Variants in EPHA10 observed in about 807,000 individuals in gnomAD.
EPHA10 encodes EPH receptor A10.
EPHA10 carries 120 observed loss-of-function variants against 109.7 expected under a neutral mutation model. That is an observed-to-expected ratio of 1.09 (90% CI 0.94 to 1.27). The LOEUF is 1.27. Among genes scored for constraint, EPHA10 ranks in the 50% most tolerant of loss-of-function variants. The probability of loss-of-function intolerance (pLI) is 0.00; values close to 1 mark genes in which losing one functional copy is unlikely to be tolerated. For missense variants in EPHA10, 1,396 were observed against 1,411.1 expected (o/e 0.99, Z 0.17); for synonymous variants, 640 against 618.9 (o/e 1.03, Z -0.51).
At chr1:37,748,362 TAAATAAAC>T (rs1210692278) in intron 5 of EPHA10, among the ~76,000 whole-genome samples, 3 of 152,066 alleles carry the variant, frequency 2.0e-5, no homozygotes, top group Admixed American at 1.3e-4. Context: ...CTCAAATAAA[TAAATAAAC>T]AAATAAATAA....
At chr1:37,759,042 C>G (rs1335508350) in intron 3 of EPHA10, among the ~76,000 whole-genome samples, 1 of 152,198 alleles carries the variant, frequency 6.6e-6, no homozygotes, top group Non-Finnish European at 1.5e-5. Context: ...CTTAGTTCAG[C>G]CCTTGTGCTC....
Position 37,721,842 on chromosome 1 carries a change from C to T in EPHA10, c.1964G>A (p.Arg655Gln), listed in dbSNP as rs377504714. Residue 655 changes from arginine (R) to glutamine (Q), a missense_variant, in exon 11 of 17, where the codon CGG becomes CAG. Coordinates refer to ENST00000373048, the MANE Select transcript of EPHA10 (RefSeq NM_001099439.2). Reference sequence around the variant, plus strand: ...GCAGCCACAGCACAGCTCCCCAAACCGCCCTGTGGGGAAACAGCACCTCAG... The same window carrying T: ...GCAGCCACAGCACAGCTCCCCAAACTGCCCTGTGGGGAAACAGCACCTCAG... ...VTLERSLGGG[R>Q]FGELCCGCLQ... 1.8e-5 allele frequency: 28 copies of T among 1,583,666 alleles called. No individual in the cohort carries two copies. The highest frequency in any genetic ancestry group is 1.6e-4 in the African/African-American group (12 of 73,610).
At position 37,723,152 on chromosome 1, in the gene EPHA10, G is replaced by T. The variant is rs564699683; in HGVS notation, c.1849C>A (p.Arg617Ser). Residue 617 changes from arginine (R) to serine (S), a missense_variant, in exon 10 of 17, where the codon CGT (arginine) becomes AGT (serine). Physicochemically the swap from Arg to Ser is moderately radical, Grantham distance 110. Transcript: ENST00000373048. Reference protein sequence around the residue: ...ELYFHFKVPTRRTFLDPQSCG... With the variant: ...ELYFHFKVPTSRTFLDPQSCG... ...CTCTGGGGGTCCAGGAATGTGCGAC[G>T]TGTTGGGACTTTGACTGGGAGAGAA... 2 of 1,613,708 alleles carry T rather than the reference G, an allele frequency of 1.2e-6. No individual in the cohort carries two copies. Among genetic ancestry groups the T allele is most frequent in the East Asian group, 2.2e-5 (1 of 44,884 alleles).
chr1:37,724,743 G>T (rs1645858993), intron 8 of EPHA10, among the ~76,000 whole-genome samples: 2 of 152,158 alleles, frequency 1.3e-5, no homozygotes, highest in Non-Finnish European at 1.5e-5. Context: ...TCACACAGGG[G>T]GAAGCGGCCA....
At chr1:37,760,496 G>A in intron 3 of EPHA10, 1 of 1,027,760 alleles carries the variant, frequency 9.7e-7, no homozygotes, top group Non-Finnish European at 1.2e-6. Context: ...TAATCATCTA[G>A]TGCAACTTCC....
At chr1:37,753,568 G>A (rs1420671107) in intron 4 of EPHA10, among the ~76,000 whole-genome samples, 1 of 151,638 alleles carries the variant, frequency 6.6e-6, no homozygotes, top group Non-Finnish European at 1.5e-5. Context: ...GAGGAATGGG[G>A]GCGTGGGGTT....
intron 3 of EPHA10, among the ~76,000 whole-genome samples, chr1:37,756,108 G>A (rs1199343594): frequency 2.0e-5 from 3 of 152,234 alleles, no homozygotes; most frequent in African/African-American, 7.2e-5. Context: ...AGTCTCCTCT[G>A]CCTGCAGAAC....
rs769437580 is a variant in EPHA10, at chr1:37,718,410, G to A, written c.2989C>T (p.Arg997Ter). 63 of 1,612,892 alleles carry A rather than the reference G, an allele frequency of 3.9e-5. No homozygotes were observed. The highest frequency in any genetic ancestry group is 3.3e-4 in the Middle Eastern group (2 of 6,078). ...LLSGISALQA[R>*]VLQLQGQGVQ... is the part of the protein sequence containing the mutation. ...CCCTGGCCCTGCAGCTGGAGCACTC[G>A]TGCCTGCAGGGCGCTGATCCCGCTG... Residue 997 changes from arginine (R) to a stop codon, truncating the protein, a stop_gained, in exon 17 of 17, where the codon CGA becomes TGA. Transcript: ENST00000373048. LOFTEE classifies it high-confidence loss of function.
intron 5 of EPHA10, among the ~76,000 whole-genome samples, chr1:37,750,075 T>C (rs1646299819): frequency 6.6e-6 from 1 of 152,188 alleles, no homozygotes; most frequent in South Asian, 2.1e-4. Flanking sequence ...CAAATATGAA[T>C]ACAGAGATCA....
intron 2 of EPHA10, among the ~76,000 whole-genome samples, 200 bp downstream of exon 2, chr1:37,762,585 C>CTTT (rs34513765): frequency 0.011 from 1,624 of 141,572 alleles, 25 homozygotes; most frequent in African/African-American, 0.019. Flanking sequence ...CACTTATTCA[C>CTTT]TTTTTTTTTT....
intron 3 of EPHA10, chr1:37,761,064 A>C: frequency 1.1e-6 from 1 of 917,882 alleles, no homozygotes; most frequent in Non-Finnish European, 1.4e-6. Flanking sequence ...AGCCTGGGCA[A>C]CAGAGCAAGA....
chr1:37,749,383 T>C (rs1260904827), intron 5 of EPHA10, among the ~76,000 whole-genome samples: 3 of 151,942 alleles, frequency 2.0e-5, no homozygotes, highest in African/African-American at 7.2e-5. Flanking sequence ...TTAAGATTGT[T>C]AACATAAGGC....
intron 4 of EPHA10, among the ~76,000 whole-genome samples, chr1:37,753,746 C>G (rs1032406531): frequency 2.1e-5 from 3 of 140,072 alleles, no homozygotes; most frequent in African/African-American, 8.0e-5. Flanking sequence ...GGGCTTGCCC[C>G]GGGAAGGGTC....
chr1:37,719,476 G>C lies in EPHA10; in HGVS notation c.2694C>G (p.Ser898Arg). Residue 898 changes from serine (S) to arginine (R), a missense_variant, in exon 15 of 17, where the codon AGC becomes AGG. By Grantham distance (110) the Ser-to-Arg change is moderately radical. Coordinates refer to ENST00000373048, the MANE Select transcript of EPHA10 (RefSeq NM_001099439.2). ...GERPRFSQIH[S>R]ILSKMVQDPE... ...GGTCCTGCACCATCTTGCTCAGGAT[G>C]CTGTGGATCTGGGAGAACCTGGGCC... The C allele has an allele frequency of 6.2e-7, 1 of 1,614,032 alleles. No individual in the cohort carries two copies. Among genetic ancestry groups the C allele is most frequent in the African/African-American group, 1.3e-5 (1 of 75,034 alleles).
At chr1:37,731,367 G>T in intron 7 of EPHA10, 44 bp downstream of exon 7, 1 of 1,519,538 alleles carries the variant, frequency 6.6e-7, no homozygotes, top group Non-Finnish European at 8.9e-7. Flanking sequence ...CCCGTGCAGG[G>T]TTCTCTCTGT....
At chr1:37,721,968 TA>T (rs1245702033) in intron 10 of EPHA10, 123 bp from the exon 11 acceptor site, 3 of 980,978 alleles carry the variant, frequency 3.1e-6, no homozygotes, top group East Asian at 6.0e-5. Context: ...CAGTCTCTAC[TA>T]AAAATACAAA....
chr1:37,755,424 T>G lies in EPHA10; in HGVS notation c.851-1054A>C, dbSNP rs576130128. On this transcript the variant is annotated intron_variant, in intron 3 of 16. Transcript: ENST00000373048. ...GTAAAGCCAGCCAGGTGGAGGGGGGTGGGTGGAGAGAAAAGGGCCAGTAAA... is the reference window on the plus strand; with the variant it reads ...GTAAAGCCAGCCAGGTGGAGGGGGGGGGGTGGAGAGAAAAGGGCCAGTAAA... Among the ~76,000 whole-genome samples, 292 of 151,664 alleles carry G rather than the reference T, an allele frequency of 1.9e-3. 2 individuals carry two copies. Among genetic ancestry groups the G allele is most frequent in the Non-Finnish European group, 2.9e-3 (198 of 67,930 alleles).
rs1411410672 is a variant in EPHA10 at position 37,761,706 on chromosome 1, G to A, written c.549C>T (p.Leu183=). The change falls in exon 3 of 17, where the codon CTC becomes CTT. Residue 183 remains leucine, a synonymous_variant. Transcript: ENST00000373048. ...LNTEVREIGP[L]SRRGFHLAFQ... is the part of the protein sequence containing the mutation. Reference sequence around the variant, plus strand: ...AGGCCAGGTGGAAACCCCGCCGGCTGAGCGGTCCGATCTCGCGCACCTCTG... The same window carrying A: ...AGGCCAGGTGGAAACCCCGCCGGCTAAGCGGTCCGATCTCGCGCACCTCTG... 1.2e-6 allele frequency: 2 copies of A among 1,613,254 alleles called. No individual in the cohort carries two copies. Among genetic ancestry groups the A allele is most frequent in the Non-Finnish European group, 1.7e-6 (2 of 1,179,922 alleles).
chr1:37,752,388 AAG>A (rs1392222178), intron 5 of EPHA10, among the ~76,000 whole-genome samples: 1 of 152,166 alleles, frequency 6.6e-6, no homozygotes, highest in Non-Finnish European at 1.5e-5. Context: ...GGTTGGAGGT[AAG>A]GGACACAGGG....
Sources: allele counts gnomAD v4.1 joint callset (sites outside exome capture counted in the v4.1 genomes callset), GRCh38; gene constraint gnomAD v4.1.1; transcripts MANE v1.5; gene names NCBI Gene and HGNC (gene_info 2026-07-23, HGNC 2026-07-21).